The following ITPR1 variants were observed in gnomAD, a reference collection of about 807,000 sequenced individuals.
ITPR1 encodes inositol 1,4,5-trisphosphate receptor type 1.
A neutral mutation model predicts 318.4 loss-of-function variants in ITPR1; 96 were observed. The ratio of observed to expected loss-of-function variants is 0.30; its 90% CI spans 0.26 to 0.36. ITPR1 has a LOEUF of 0.36. ITPR1 is among the 10% of genes least tolerant of loss of function. The pLI, the probability that ITPR1 is intolerant of heterozygous loss-of-function variation, is 1.00. For synonymous variants in ITPR1, 1,312 were observed against 1,289.9 expected, an observed-to-expected ratio of 1.02 and a Z score of -0.37; for missense variants, 2,440 against 3,460.2, an observed-to-expected ratio of 0.71 and a Z score of 7.40.
intron 44 of ITPR1, among the ~76,000 whole-genome samples, chr3:4,753,806 C>T (rs1389499216): frequency 1.3e-5 from 2 of 152,032 alleles, no homozygotes; most frequent in Non-Finnish European, 2.9e-5. Flanking sequence ...GGTGTAGACA[C>T]CCTGCCGGTA....
intron 53 of ITPR1, chr3:4,799,723 ACT>A (rs1176794547): frequency 6.6e-6 from 1 of 152,102 alleles, no homozygotes; most frequent in Non-Finnish European, 1.5e-5. Context: ...CTCGTGGGAC[ACT>A]CTAAATAGAA....
rs1433564355 is a variant in ITPR1, at chr3:4,758,703, A to G, written c.5545-7827A>G. Among the ~76,000 whole-genome samples the G allele has an allele frequency of 2.0e-5, 3 of 152,164 alleles. No homozygotes were observed. The East Asian group carries it at 5.8e-4, about 29-fold the overall frequency. On this transcript the variant is annotated intron_variant, in intron 44 of 61. Coordinates refer to ENST00000649015, the MANE Select transcript of ITPR1 (RefSeq NM_001378452.1). ...AGAAAGGAGTGTCCCCCTTTGAACT[A>G]GGTAATAAAACACACCTGGCTAGGC...
At chr3:4,743,134 A>G (rs1271524826) in intron 44 of ITPR1, among the ~76,000 whole-genome samples, 1 of 152,212 alleles carries the variant, frequency 6.6e-6, no homozygotes, top group Admixed American at 6.5e-5. Context: ...GGCCCAGGCC[A>G]TTGTCTTGTC....
chr3:4,598,444 AC>A (rs1199471563), intron 4 of ITPR1, among the ~76,000 whole-genome samples: 1 of 151,888 alleles, frequency 6.6e-6, no homozygotes, highest in African/African-American at 2.4e-5. Flanking sequence ...ATGCAGTGAG[AC>A]CCCGTCTCTA....
intron 60 of ITPR1, among the ~76,000 whole-genome samples, chr3:4,833,016 G>T (rs1013956493): frequency 6.6e-6 from 1 of 152,208 alleles, no homozygotes; most frequent in African/African-American, 2.4e-5. Flanking sequence ...AGACCTGGCC[G>T]GTGACCACAG....
chr3:4,699,488 T>G (rs891234801), intron 34 of ITPR1, among the ~76,000 whole-genome samples: 11 of 152,166 alleles, frequency 7.2e-5, no homozygotes, highest in African/African-American at 2.7e-4. Context: ...TAGGGGAAAT[T>G]TAAGACACCT....
chr3:4,728,825 A>G (rs2042708116), intron 42 of ITPR1, among the ~76,000 whole-genome samples: 1 of 152,102 alleles, frequency 6.6e-6, no homozygotes, highest in South Asian at 2.1e-4. Flanking sequence ...GCCCAGTCCC[A>G]CTACATCCCA....
chr3:4,691,051 G>A (rs1011961072), intron 31 of ITPR1, 93 bp from the exon 32 acceptor site: 8 of 747,624 alleles, frequency 1.1e-5, no homozygotes, highest in South Asian at 2.7e-5. Flanking sequence ...TCCCTTGTGT[G>A]TGTTTCAGTG....
At chr3:4,560,688 T>C (rs1373864463) in intron 4 of ITPR1, among the ~76,000 whole-genome samples, 1 of 152,198 alleles carries the variant, frequency 6.6e-6, no homozygotes, top group Non-Finnish European at 1.5e-5. Flanking sequence ...AAGAATCTTC[T>C]TGAACAGTTC....
intron 52 of ITPR1, among the ~76,000 whole-genome samples, chr3:4,791,062 G>A (rs1175570645): frequency 6.6e-6 from 1 of 152,220 alleles, no homozygotes; most frequent in Non-Finnish European, 1.5e-5. Context: ...CCACTCGTAA[G>A]TGTATATGGA....
rs2042663680 is a variant in ITPR1, at chr3:4,728,265, A to G, written c.5220+1092A>G. 3.9e-5 allele frequency among the ~76,000 whole-genome samples: 6 copies of G among 152,164 alleles called. No homozygotes were observed. The South Asian group carries it at 1.2e-3, about 32-fold the overall frequency. ...GAGCATGCTGACAGCACTGATTTTC[A>G]TGTTGCCCATTTTTGGGAAGATAAC... On this transcript the variant is annotated intron_variant, in intron 42 of 61. Transcript: ENST00000649015.
At chr3:4,615,373 C>CTTTCTT (rs1453262508) in intron 4 of ITPR1, among the ~76,000 whole-genome samples, 4 of 122,820 alleles carry the variant, frequency 3.3e-5, no homozygotes, top group Non-Finnish European at 3.4e-5. Context: ...TGATTTCTTT[C>CTTTCTT]TTTTTTTTTT....
At chr3:4,726,808 C>CT (rs2042550050) in intron 41 of ITPR1, among the ~76,000 whole-genome samples, 1 of 152,192 alleles carries the variant, frequency 6.6e-6, no homozygotes, top group East Asian at 1.9e-4. Flanking sequence ...ATTACAACCC[C>CT]TTTTGGGTTA....
intron 4 of ITPR1, among the ~76,000 whole-genome samples, chr3:4,536,335 G>T (rs1386188788): frequency 6.6e-6 from 1 of 152,186 alleles, no homozygotes; most frequent in African/African-American, 2.4e-5. Flanking sequence ...AATTGGAAGG[G>T]TGAGGTATAT....
In ITPR1 at chr3:4,779,664, C is replaced by G. The variant is rs1038406346; in HGVS notation, c.6387+19C>G. ...GGAACTGGTGAGTCGGGTGACGGAT[C>G]TGATGGTAGCACCAAGGAGCATTGC... On this transcript the variant is annotated intron_variant, in intron 49 of 61. Coordinates refer to ENST00000649015, the MANE Select transcript of ITPR1 (RefSeq NM_001378452.1). The surrounding 1 kb of genome is among the most constrained non-coding windows in gnomAD (Gnocchi z 4.0). The G allele has an allele frequency of 3.9e-6, 6 of 1,519,080 alleles. No individual in the cohort carries two copies. The highest frequency in any genetic ancestry group is 5.5e-6 in the Non-Finnish European group (6 of 1,094,504). The allele number at this position is 1,519,080 out of a possible 1,614,324, so 94.1% of individuals were successfully genotyped here. A position where few individuals can be genotyped will look rare whatever the true frequency, so the allele number is the denominator to read the frequency against.
intron 4 of ITPR1, among the ~76,000 whole-genome samples, chr3:4,543,577 G>A (rs1216688776): frequency 1.3e-5 from 2 of 152,188 alleles, no homozygotes; most frequent in Non-Finnish European, 2.9e-5. Flanking sequence ...TGAGTAGCTG[G>A]GGCTATAGGC....
intron 60 of ITPR1, among the ~76,000 whole-genome samples, chr3:4,835,236 C>T (rs752320099): frequency 1.3e-5 from 2 of 152,058 alleles, no homozygotes; most frequent in Non-Finnish European, 2.9e-5. Context: ...CTAGATGGCC[C>T]TAGGTCAAGA....
chr3:4,670,718 T>C lies in ITPR1; in HGVS notation c.2007-11T>C, dbSNP rs1482342686. 5.1e-6 allele frequency: 8 copies of C among 1,555,114 alleles called. No individual in the cohort carries two copies. In the African/African-American group the frequency reaches 1.1e-4, roughly 21 times the overall value. On this transcript the variant is annotated splice_polypyrimidine_tract_variant and intron_variant, in intron 19 of 61. Coordinates refer to ENST00000649015, the MANE Select transcript of ITPR1 (RefSeq NM_001378452.1). ...AAATAGTAACTTTTCCCTCCTCCTC[T>C]TGTTTTCTAGGTTGGTTCTTTCTCG...
intron 44 of ITPR1, among the ~76,000 whole-genome samples, chr3:4,765,200 T>C (rs868606922): frequency 2.6e-5 from 4 of 152,104 alleles, no homozygotes; most frequent in Middle Eastern, 3.4e-3. Flanking sequence ...GGGGAGGTGG[T>C]GACTTGTGTC....
Sources: gnomAD v4.1 joint callset for allele counts (sites outside exome capture counted in the v4.1 genomes callset) on GRCh38, gnomAD v4.1.1 for gene constraint, Gnocchi (gnomAD v3.1) non-coding constraint, MANE v1.5 for transcripts, NCBI Gene and HGNC (gene_info 2026-07-23, HGNC 2026-07-21) for gene names.